The following PGM5 variants were observed in gnomAD, a reference collection of about 807,000 sequenced individuals.
PGM5 encodes the protein phosphoglucomutase-like protein 5.
PGM5 carries 23 observed loss-of-function variants against 59.2 expected under a neutral mutation model. That is an observed-to-expected ratio of 0.39 (90% confidence interval 0.28 to 0.55). The LOEUF is 0.55. Ranked by LOEUF, PGM5 falls within the 20% of genes least tolerant of loss-of-function variation. The pLI is 0.66. For synonymous variants in PGM5, 214 were observed against 286.0 expected (o/e 0.75, Z 2.54); for missense variants, 574 against 748.3 (o/e 0.77, Z 2.72).
At chr9:68,419,584 A>T (rs1290629006) in intron 6 of PGM5, among the ~76,000 whole-genome samples, 3 of 152,228 alleles carry the variant, frequency 2.0e-5, no homozygotes, top group African/African-American at 7.2e-5. Flanking sequence ...TAGGACTAGG[A>T]TGGCTCCACA....
At chr9:68,372,695 T>A (rs1296094698) in intron 1 of PGM5, among the ~76,000 whole-genome samples, 1 of 152,196 alleles carries the variant, frequency 6.6e-6, no homozygotes, top group African/African-American at 2.4e-5. Context: ...AGAAGTTTCC[T>A]TAGCTCATGG....
intron 9 of PGM5, among the ~76,000 whole-genome samples, chr9:68,490,067 G>T (rs190174449): frequency 1.3e-5 from 2 of 152,186 alleles, no homozygotes; most frequent in South Asian, 2.1e-4. Context: ...TTGCAAGAAG[G>T]TGTCTGCTCT....
At chr9:68,519,803 G>C (rs550996574) in intron 10 of PGM5, among the ~76,000 whole-genome samples, 1 of 151,812 alleles carries the variant, frequency 6.6e-6, no homozygotes, top group East Asian at 1.9e-4. Context: ...ATTCATACCT[G>C]TAATCCCAGC....
chr9:68,361,185 T>C (rs2131970771), intron 1 of PGM5, among the ~76,000 whole-genome samples: 1 of 152,296 alleles, frequency 6.6e-6, no homozygotes, highest in East Asian at 1.9e-4. Context: ...CCCTGAAATA[T>C]CTTTTGTGGC....
intron 6 of PGM5, among the ~76,000 whole-genome samples, chr9:68,447,329 G>A (rs1258106177): frequency 2.0e-5 from 3 of 152,094 alleles, no homozygotes; most frequent in Admixed American, 6.6e-5. Flanking sequence ...TATAATGATG[G>A]CTGCAGAGAA....
intron 7 of PGM5, among the ~76,000 whole-genome samples, chr9:68,471,401 G>A (rs1319518680): frequency 6.6e-6 from 1 of 152,076 alleles, no homozygotes; most frequent in East Asian, 1.9e-4. Flanking sequence ...TTGCTAGGTG[G>A]CCCCACTGAG....
At chr9:68,415,814 T>TCTATCTATCTATCTAA (rs1823018044) in intron 6 of PGM5, among the ~76,000 whole-genome samples, 1 of 127,430 alleles carries the variant, frequency 7.8e-6, no homozygotes, top group Non-Finnish European at 1.7e-5. Context: ...TATCTATCTA[T>TCTATCTATCTATCTAA]CTTATCTATC....
intron 7 of PGM5, among the ~76,000 whole-genome samples, chr9:68,474,459 G>T (rs782191955): frequency 5.9e-5 from 9 of 152,006 alleles, no homozygotes; most frequent in Admixed American, 2.0e-4. Flanking sequence ...TCTTTTGTGA[G>T]GGCAATATAC....
At chr9:68,381,896 G>A (rs1822085783) in intron 2 of PGM5, among the ~76,000 whole-genome samples, 1 of 151,910 alleles carries the variant, frequency 6.6e-6, no homozygotes, top group East Asian at 1.9e-4. Flanking sequence ...CAAATAAATA[G>A]ATATCCTGTG....
intron 6 of PGM5, among the ~76,000 whole-genome samples, chr9:68,454,850 C>T (rs1823748561): frequency 2.0e-5 from 3 of 152,240 alleles, no homozygotes; most frequent in African/African-American, 4.8e-5. Context: ...CACAAAAGAA[C>T]ATTGACCTTT....
At chr9:68,370,161 T>C (rs1340319590) in intron 1 of PGM5, among the ~76,000 whole-genome samples, 2 of 152,194 alleles carry the variant, frequency 1.3e-5, no homozygotes, top group Non-Finnish European at 2.9e-5. Flanking sequence ...CTGTGTAGCA[T>C]CAGGGAAGTT....
At chr9:68,509,705 A>G (rs1347708844) in intron 10 of PGM5, among the ~76,000 whole-genome samples, 6 of 151,888 alleles carry the variant, frequency 4.0e-5, no homozygotes, top group Non-Finnish European at 7.4e-5. Context: ...AAGGTAAAGC[A>G]TGATGAGAAG....
intron 6 of PGM5, among the ~76,000 whole-genome samples, chr9:68,456,788 C>A (rs183090363): frequency 3.5e-3 from 536 of 151,974 alleles, no homozygotes; most frequent in Non-Finnish European, 6.2e-3. Context: ...CCATGCCTGG[C>A]TAATTTTTTG....
intron 7 of PGM5, among the ~76,000 whole-genome samples, chr9:68,473,062 G>A (rs1206667769): frequency 6.6e-6 from 1 of 152,068 alleles, no homozygotes; most frequent in Non-Finnish European, 1.5e-5. Context: ...GAACATAAGT[G>A]GTTTGAGAAA....
At chr9:68,472,209 G>A (rs966866842) in intron 7 of PGM5, among the ~76,000 whole-genome samples, 4 of 152,142 alleles carry the variant, frequency 2.6e-5, no homozygotes, top group Admixed American at 6.5e-5. Flanking sequence ...TGATGAAGTC[G>A]TTGAGGTTTA....
At chr9:68,382,751 G>T (rs1554678437) in intron 2 of PGM5, among the ~76,000 whole-genome samples, 1 of 151,762 alleles carries the variant, frequency 6.6e-6, no homozygotes, top group Non-Finnish European at 1.5e-5. Flanking sequence ...CTTGGAAATT[G>T]AAAAGGAATT....
At chr9:68,420,846 G>A (rs560120330) in intron 6 of PGM5, among the ~76,000 whole-genome samples, 2 of 152,314 alleles carry the variant, frequency 1.3e-5, no homozygotes, top group African/African-American at 4.8e-5. Context: ...AAATGAAGAT[G>A]TAAATGCCTC....
intron 6 of PGM5, among the ~76,000 whole-genome samples, chr9:68,464,800 C>A (rs1317243519): frequency 3.3e-5 from 5 of 152,000 alleles, no homozygotes; most frequent in African/African-American, 1.2e-4. Context: ...CACATGGACT[C>A]TTTCCAAAAA....
At position 68,384,435 on chromosome 9, in the gene PGM5, A is replaced by C. The variant is rs782344071; in HGVS notation, c.462A>C (p.Gln154His). The part of the protein sequence containing the change: ...APDVVSDKIY[Q>H]ISKTIEEYAI... ...ATGTTGTCTCAGACAAAATCTACCA[A>C]ATCAGCAAAACGATTGAGGAATATG... The change falls in exon 3 of 11, where the codon CAA becomes CAC. Residue 154 changes from glutamine to histidine, a missense_variant. Coordinates refer to ENST00000396396, the MANE Select transcript of PGM5 (RefSeq NM_021965.4). 3 of 1,606,814 alleles carry C rather than the reference A, an allele frequency of 1.9e-6. No homozygotes were observed. The highest frequency in any genetic ancestry group is 1.7e-6 in the Non-Finnish European group (2 of 1,174,208).
Sources: gnomAD v4.1 joint callset for allele counts (sites outside exome capture counted in the v4.1 genomes callset) on GRCh38, gnomAD v4.1.1 for gene constraint, MANE v1.5 for transcripts, NCBI Gene and HGNC (gene_info 2026-07-23, HGNC 2026-07-21) for gene names.